Variants in CNTNAP2 observed in about 807,000 individuals in gnomAD.
CNTNAP2 encodes contactin associated protein 2, also known as contactin-associated protein-like 2.
Under a neutral mutation model 155.2 loss-of-function variants are expected in CNTNAP2, and 98 were observed. The ratio of observed to expected loss-of-function variants is 0.63; its 90% confidence interval spans 0.54 to 0.75. The LOEUF is 0.75. Ranked by LOEUF, CNTNAP2 falls within the 30% of genes least tolerant of loss-of-function variation. The pLI is 0.00. For missense variants in CNTNAP2, 1,727 were observed against 1,688.1 expected (o/e 1.02, Z -0.40); for synonymous variants, 651 against 631.2 (o/e 1.03, Z -0.47).
intron 1 of CNTNAP2, among the ~76,000 whole-genome samples, chr7:146,123,221 C>T (rs900987937): frequency 1.3e-5 from 2 of 152,024 alleles, no homozygotes; most frequent in African/African-American, 4.8e-5. Flanking sequence ...TCTGTATTTA[C>T]CTTGTGATTT....
chr7:147,040,980 A>G (rs949478229), intron 3 of CNTNAP2, among the ~76,000 whole-genome samples: 1 of 152,080 alleles, frequency 6.6e-6, no homozygotes, highest in Non-Finnish European at 1.5e-5. Context: ...TGAAATATCA[A>G]ATCTGTCTTT....
At chr7:146,240,024 A>G (rs1323341719) in intron 1 of CNTNAP2, among the ~76,000 whole-genome samples, 1 of 152,222 alleles carries the variant, frequency 6.6e-6, no homozygotes, top group Admixed American at 6.5e-5. Flanking sequence ...AATTAACATC[A>G]GAATATCTTA....
In CNTNAP2 at chr7:147,132,382, T is replaced by C; in HGVS notation, c.1221T>C (p.Asn407=). The change falls in exon 8 of 24, where the codon AAT becomes AAC. Residue 407 remains asparagine, a synonymous_variant. Transcript: ENST00000361727. ...TCCAGTTTAGGACATGGAACCCCAA[T>C]GGTCTCCTGGTCTTCAGTCACTTTG... ...VSFQFRTWNP[N]GLLVFSHFAD... The C allele has an allele frequency of 1.2e-6, 2 of 1,613,688 alleles. No individual in the cohort carries two copies. The highest frequency in any genetic ancestry group is 1.7e-6 in the Non-Finnish European group (2 of 1,179,796).
At chr7:148,060,391 G>T (rs1437576418) in intron 15 of CNTNAP2, among the ~76,000 whole-genome samples, 2 of 152,024 alleles carry the variant, frequency 1.3e-5, no homozygotes, top group African/African-American at 2.4e-5. Flanking sequence ...AATATTAAAT[G>T]ACCTGAAGCT....
At chr7:147,034,920 A>G (rs1416210668) in intron 3 of CNTNAP2, among the ~76,000 whole-genome samples, 1 of 152,162 alleles carries the variant, frequency 6.6e-6, no homozygotes, top group Non-Finnish European at 1.5e-5. Flanking sequence ...AAAATGCAAC[A>G]TTTGAGCGCA....
chr7:148,139,503 C>G (rs1464610516), intron 16 of CNTNAP2, among the ~76,000 whole-genome samples: 1 of 152,008 alleles, frequency 6.6e-6, no homozygotes, highest in Admixed American at 6.6e-5. Flanking sequence ...GCTTTTAGGT[C>G]TTAACATTAT....
At chr7:148,084,466 C>A (rs1803678762) in intron 15 of CNTNAP2, among the ~76,000 whole-genome samples, 1 of 152,196 alleles carries the variant, frequency 6.6e-6, no homozygotes, top group Non-Finnish European at 1.5e-5. Context: ...TATCTTTAGA[C>A]TCTTGTGGCT....
At chr7:147,596,381 C>G (rs1374318551) in intron 12 of CNTNAP2, among the ~76,000 whole-genome samples, 1 of 152,190 alleles carries the variant, frequency 6.6e-6, no homozygotes, top group East Asian at 1.9e-4. Context: ...CACCTCCATT[C>G]AGGGCTACAA....
At chr7:147,882,931 G>A (rs982932312) in intron 13 of CNTNAP2, among the ~76,000 whole-genome samples, 1 of 152,190 alleles carries the variant, frequency 6.6e-6, no homozygotes, top group South Asian at 2.1e-4. Context: ...TTGTGTGTAT[G>A]TGTGTTTATT....
At chr7:147,115,608 C>T (rs1800970265) in intron 5 of CNTNAP2, among the ~76,000 whole-genome samples, 1 of 152,044 alleles carries the variant, frequency 6.6e-6, no homozygotes. Context: ...CTTGGTCTGC[C>T]TGCTATTAAT....
chr7:147,605,879 C>T (rs1029282821), intron 12 of CNTNAP2, among the ~76,000 whole-genome samples: 2 of 151,620 alleles, frequency 1.3e-5, no homozygotes, highest in African/African-American at 4.8e-5. Context: ...TTCTCTCTGT[C>T]CCTCTTCCCT....
chr7:146,125,711 C>T (rs1797626420), intron 1 of CNTNAP2, among the ~76,000 whole-genome samples: 1 of 148,312 alleles, frequency 6.7e-6, no homozygotes, highest in Non-Finnish European at 1.5e-5. Flanking sequence ...AGAACATAAA[C>T]AAAAACAACC....
chr7:146,387,631 A>C (rs1795479260), intron 1 of CNTNAP2, among the ~76,000 whole-genome samples: 1 of 152,206 alleles, frequency 6.6e-6, no homozygotes, highest in Admixed American at 6.5e-5. Context: ...GGTTGTGCCC[A>C]AACCCTACTG....
At chr7:147,579,205 A>T (rs1800452043) in intron 12 of CNTNAP2, among the ~76,000 whole-genome samples, 1 of 152,090 alleles carries the variant, frequency 6.6e-6, no homozygotes, top group Admixed American at 6.6e-5. Context: ...TAGCAGAGAG[A>T]GGGTGTGAAT....
chr7:147,378,985 C>T (rs1796488377), intron 9 of CNTNAP2, among the ~76,000 whole-genome samples: 1 of 152,006 alleles, frequency 6.6e-6, no homozygotes, highest in Non-Finnish European at 1.5e-5. Flanking sequence ...CAGTTCCCCC[C>T]ATGCTATTCT....
At chr7:147,784,247 T>G (rs1378536417) in intron 13 of CNTNAP2, among the ~76,000 whole-genome samples, 1 of 151,502 alleles carries the variant, frequency 6.6e-6, no homozygotes, top group Non-Finnish European at 1.5e-5. Context: ...TATTTGGGAT[T>G]AGAACTTCAA....
chr7:147,932,847 A>G (rs1224962047), intron 14 of CNTNAP2, among the ~76,000 whole-genome samples: 1 of 152,142 alleles, frequency 6.6e-6, no homozygotes, highest in Non-Finnish European at 1.5e-5. Flanking sequence ...TATATAAGGA[A>G]CTCCTCCAAC....
chr7:146,606,290 G>A (rs1799045874), intron 1 of CNTNAP2, among the ~76,000 whole-genome samples: 1 of 152,064 alleles, frequency 6.6e-6, no homozygotes, highest in South Asian at 2.1e-4. Context: ...GATGTAAAAA[G>A]TGACATGAGT....
intron 3 of CNTNAP2, among the ~76,000 whole-genome samples, chr7:146,905,281 T>C (rs2129214788): frequency 6.6e-6 from 1 of 152,078 alleles, no homozygotes; most frequent in East Asian, 1.9e-4. Context: ...CATCAGGAGT[T>C]TTATAATTTG....
Sources: allele counts gnomAD v4.1 joint callset (sites outside exome capture counted in the v4.1 genomes callset), GRCh38; gene constraint gnomAD v4.1.1; transcripts MANE v1.5; gene names NCBI Gene and HGNC (gene_info 2026-07-23, HGNC 2026-07-21).